Variants in MMP26 observed in about 807,000 individuals in gnomAD.
The protein encoded by MMP26 is matrix metallopeptidase 26, also known as matrix metalloproteinase-26.
MMP26 carries 33 observed loss-of-function variants against 31.0 expected under a neutral mutation model. The observed-to-expected ratio is 1.06, with a 90% confidence interval of 0.81 to 1.42. The LOEUF is 1.42. MMP26 is among the 40% of genes most tolerant of loss of function. The pLI is 0.00. For missense variants in MMP26, 347 were observed against 316.1 expected (o/e 1.10, Z -0.74); for synonymous variants, 122 against 114.9 (o/e 1.06, Z -0.40).
chr11:4,758,635 A>C (rs1848534324), intron 1 of MMP26, among the ~76,000 whole-genome samples: 1 of 152,162 alleles, frequency 6.6e-6, no homozygotes, highest in Admixed American at 6.5e-5. Flanking sequence ...TCTAAATATA[A>C]AACCAAAGAT....
At chr11:4,973,906 T>C (rs568655976) in intron 2 of MMP26, 4 of 152,126 alleles carry the variant, frequency 2.6e-5, no homozygotes, top group Admixed American at 1.3e-4. Context: ...AGGGAAAAGA[T>C]GAGAAGCTCA....
intron 2 of MMP26, chr11:4,923,505 A>T: frequency 6.2e-7 from 1 of 1,614,176 alleles, no homozygotes; most frequent in Non-Finnish European, 8.5e-7. Context: ...TACACATAGG[A>T]CATGAAGAGG....
chr11:4,988,525 T>C (rs187833189), intron 3 of MMP26, among the ~76,000 whole-genome samples: 156 of 152,218 alleles, frequency 1.0e-3, no homozygotes, highest in African/African-American at 3.6e-3. Context: ...TTTTGGGCCC[T>C]AGGCACTGTG....
intron 2 of MMP26, among the ~76,000 whole-genome samples, chr11:4,795,975 C>T (rs1168320691): frequency 2.6e-5 from 4 of 152,050 alleles, no homozygotes; most frequent in East Asian, 1.9e-4. Flanking sequence ...CAGTTCTATG[C>T]GTCAGAGTTT....
chr11:4,755,063 A>C (rs1848489588), intron 1 of MMP26, among the ~76,000 whole-genome samples: 1 of 151,944 alleles, frequency 6.6e-6, no homozygotes, highest in Non-Finnish European at 1.5e-5. Flanking sequence ...TTCACCTTTC[A>C]TCGGTTGATC....
At chr11:4,908,644 G>C (rs1011138516) in intron 2 of MMP26, 3 of 355,004 alleles carry the variant, frequency 8.5e-6, no homozygotes, top group African/African-American at 6.3e-5. Context: ...TAAAAATACA[G>C]ATGATATACA....
intron 2 of MMP26, among the ~76,000 whole-genome samples, chr11:4,911,938 T>TA (rs1377018787): frequency 6.6e-6 from 1 of 152,184 alleles, no homozygotes; most frequent in Non-Finnish European, 1.5e-5. Flanking sequence ...AACTTTTTTT[T>TA]ACCCAACTAA....
intron 2 of MMP26, among the ~76,000 whole-genome samples, chr11:4,976,097 C>G (rs1160572740): frequency 6.6e-6 from 1 of 151,984 alleles, no homozygotes; most frequent in Non-Finnish European, 1.5e-5. Flanking sequence ...TTTAGAGACT[C>G]TAGAGGAACT....
intron 2 of MMP26, among the ~76,000 whole-genome samples, chr11:4,887,239 T>C (rs1837400668): frequency 6.6e-6 from 1 of 152,100 alleles, no homozygotes; most frequent in Non-Finnish European, 1.5e-5. Context: ...GTAATGTATT[T>C]ATTTTATTGT....
intron 2 of MMP26, among the ~76,000 whole-genome samples, chr11:4,971,233 T>C (rs1449500112): frequency 6.6e-6 from 1 of 152,176 alleles, no homozygotes; most frequent in Non-Finnish European, 1.5e-5. Flanking sequence ...AGCCTGAACT[T>C]GGGCCTCTAA....
At chr11:4,855,761 A>G (rs1850041920) in intron 2 of MMP26, among the ~76,000 whole-genome samples, 1 of 152,308 alleles carries the variant, frequency 6.6e-6, no homozygotes, top group South Asian at 2.1e-4. Context: ...ACTCCAAGAC[A>G]CATAACTGTC....
intron 2 of MMP26, among the ~76,000 whole-genome samples, chr11:4,768,610 G>A (rs994760612): frequency 6.6e-6 from 1 of 152,084 alleles, no homozygotes; most frequent in African/African-American, 2.4e-5. Context: ...CTATAAATCT[G>A]TTCCATCATC....
chr11:4,832,764 T>A (rs183657740), intron 2 of MMP26: 1 of 170,710 alleles, frequency 5.9e-6, no homozygotes, highest in East Asian at 1.5e-4. Flanking sequence ...TGTCAGACAG[T>A]GTTTTTATTG....
intron 2 of MMP26, among the ~76,000 whole-genome samples, chr11:4,979,930 G>A (rs568326567): frequency 2.6e-5 from 4 of 152,036 alleles, no homozygotes; most frequent in South Asian, 2.1e-4. Context: ...GTTTTGCCCC[G>A]GTGTTATGTT....
chr11:4,972,219 C>CT (rs1469514074), intron 2 of MMP26, among the ~76,000 whole-genome samples: 3 of 152,050 alleles, frequency 2.0e-5, no homozygotes, highest in African/African-American at 7.3e-5. Flanking sequence ...ATGACTCTTG[C>CT]TAAAATCGAA....
rs1345513334 is a variant in MMP26 at position 4,989,689 on chromosome 11, A to G, written c.141A>G (p.Pro47=). Residue 47 remains proline, a synonymous_variant, in exon 4 of 8, where the codon CCA becomes CCG. Coordinates refer to ENST00000380390, the MANE Select transcript of MMP26 (RefSeq NM_021801.5). The stretch of plus-strand genomic sequence containing the variant: ...TTTTCCTGACCAAGAAGGAGTCGCC[A>G]CTCCTTACCCAGGAGACACAAACAC... ...HQFFLTKKES[P]LLTQETQTQL... is the part of the protein sequence containing the mutation. 6.2e-7 allele frequency: 1 copy of G among 1,613,490 alleles called. No homozygotes were observed. The highest frequency in any genetic ancestry group is 1.1e-5 in the South Asian group (1 of 91,046).
At chr11:4,729,273 A>G (rs1185865827) in intron 1 of MMP26, among the ~76,000 whole-genome samples, 1 of 152,142 alleles carries the variant, frequency 6.6e-6, no homozygotes, top group Non-Finnish European at 1.5e-5. Flanking sequence ...GGATGTTTTT[A>G]CTTATGTGAT....
chr11:4,832,974 T>G (rs559382430), intron 2 of MMP26: 1 of 155,960 alleles, frequency 6.4e-6, no homozygotes, highest in Admixed American at 6.4e-5. Flanking sequence ...AGATGCATTC[T>G]TGCTGGTACC....
rs996362341 is a variant in MMP26, at chr11:4,723,936, C to T, written c.-217+18891C>T. 9.5e-6 allele frequency: 8 copies of T among 846,338 alleles called. No homozygotes were observed. The African/African-American group carries it at 1.0e-4, about 11-fold the overall frequency. 52.4% of individuals were successfully genotyped at this position (846,338 alleles called of 1,614,324 possible). A position where few individuals can be genotyped will look rare whatever the true frequency, so the allele number is the denominator to read the frequency against. On this transcript the variant is annotated intron_variant, in intron 1 of 7. Transcript: ENST00000380390. ...GCATGGCCTGGATGTTGGGATCTAC[C>T]TCCAGGTTAAGGGGACTCAGCAGGT...
Sources: gnomAD v4.1 joint callset for allele counts (sites outside exome capture counted in the v4.1 genomes callset) on GRCh38, gnomAD v4.1.1 for gene constraint, MANE v1.5 for transcripts, NCBI Gene and HGNC (gene_info 2026-07-23, HGNC 2026-07-21) for gene names.